MGST2: variants seen among roughly 807,000 people sequenced by gnomAD.
The protein encoded by MGST2 is glutathione peroxidase MGST2.
MGST2 carries 9 observed loss-of-function variants against 16.6 expected under a neutral mutation model. That is an observed-to-expected ratio of 0.54 (90% confidence interval 0.33 to 0.95). MGST2 has a LOEUF of 0.95. MGST2 is among the 40% of genes least tolerant of loss of function. The probability of loss-of-function intolerance (pLI) is 0.03; values close to 1 mark genes in which losing one functional copy is unlikely to be tolerated. For missense variants in MGST2, 159 were observed against 175.1 expected (o/e 0.91, Z 0.52); for synonymous variants, 79 against 68.0 (o/e 1.16, Z -0.79).
chr4:139,707,972 G>A (rs1727586576), downstream of MGST2, among the ~76,000 whole-genome samples: 9 of 151,946 alleles, frequency 5.9e-5, no homozygotes, highest in Admixed American at 5.9e-4. Context: ...TGTCAGATGA[G>A]TAGGTTGCAA....
intron 5 of MGST2, among the ~76,000 whole-genome samples, chr4:139,709,397 A>G (rs1361307235): frequency 1.3e-5 from 2 of 152,082 alleles, no homozygotes; most frequent in South Asian, 2.1e-4. Flanking sequence ...AATGGAAACA[A>G]TTTAAGCATG....
chr4:139,680,040 G>A (rs778652684), intron 2 of MGST2, among the ~76,000 whole-genome samples: 14 of 152,036 alleles, frequency 9.2e-5, no homozygotes, highest in Non-Finnish European at 1.9e-4. Flanking sequence ...TTACTACTTT[G>A]GGTATTTACT....
chr4:139,700,127 C>CTTTTTTT (rs56662682), intron 3 of MGST2, among the ~76,000 whole-genome samples: 35 of 82,972 alleles, frequency 4.2e-4, no homozygotes, highest in East Asian at 8.5e-4. Context: ...TTTGGTTTTG[C>CTTTTTTT]TTTTTTTTTT....
chr4:139,666,098 G>T (rs759709404), intron 1 of MGST2, 21 bp downstream of exon 1: 1 of 1,538,992 alleles, frequency 6.5e-7, no homozygotes, highest in Non-Finnish European at 8.7e-7. Flanking sequence ...TGGGAAGTTC[G>T]TGTGTGTGCG....
chr4:139,730,011 T>C (rs1728636692), intron 5 of MGST2, among the ~76,000 whole-genome samples: 1 of 152,222 alleles, frequency 6.6e-6, no homozygotes, highest in Non-Finnish European at 1.5e-5. Context: ...GTCAATTTCC[T>C]CTAAGAAACA....
At chr4:139,698,646 T>C (rs1727074934) in intron 3 of MGST2, 4 of 827,522 alleles carry the variant, frequency 4.8e-6, no homozygotes, top group Non-Finnish European at 4.1e-6. Context: ...CAAGTATGTG[T>C]TTCTTATAGC....
the MGST2 span, among the ~76,000 whole-genome samples, chr4:139,750,563 C>T: frequency 1.3e-5 from 2 of 152,278 alleles, no homozygotes; most frequent in African/African-American, 2.4e-5. Flanking sequence ...AACCATATTA[C>T]GCCACATGAT....
At chr4:139,737,422 T>C (rs958029725) in intron 5 of MGST2, among the ~76,000 whole-genome samples, 3 of 151,858 alleles carry the variant, frequency 2.0e-5, no homozygotes, top group Admixed American at 6.6e-5. Flanking sequence ...CTGGTCTAAA[T>C]TGAGCGGACC....
the MGST2 span, among the ~76,000 whole-genome samples, chr4:139,753,140 T>C: frequency 1.3e-5 from 2 of 152,204 alleles, no homozygotes; most frequent in African/African-American, 4.8e-5. Context: ...TTTTCCTTCT[T>C]TCCCTTTTCA....
At chr4:139,738,243 A>T (rs1729021588) in intron 5 of MGST2, among the ~76,000 whole-genome samples, 1 of 152,222 alleles carries the variant, frequency 6.6e-6, no homozygotes, top group African/African-American at 2.4e-5. Flanking sequence ...ATAAAGGGGA[A>T]CAAGACTTGT....
At chr4:139,741,239 G>A (rs567459032), downstream of MGST2, among the ~76,000 whole-genome samples, 4 of 152,230 alleles carry the variant, frequency 2.6e-5, no homozygotes, top group East Asian at 3.9e-4. Context: ...TGTGGCTGAC[G>A]ACCAGCTTCT....
chr4:139,724,364 A>G (rs1046370940), intron 5 of MGST2, among the ~76,000 whole-genome samples: 1 of 152,134 alleles, frequency 6.6e-6, no homozygotes, highest in African/African-American at 2.4e-5. Context: ...TGCTCTGGTA[A>G]TTTCTGTTGT....
chr4:139,700,256 G>C (rs6851293), intron 3 of MGST2, among the ~76,000 whole-genome samples: 51,262 of 149,392 alleles, frequency 0.34, 11,429 homozygotes, highest in African/African-American at 0.64. Flanking sequence ...CTCAGCCTCC[G>C]GAGTAGCTGG....
At chr4:139,691,666 AGATGATGATGATGAT>A (rs376635466) in intron 2 of MGST2, among the ~76,000 whole-genome samples, 1 of 144,098 alleles carries the variant, frequency 6.9e-6, no homozygotes, top group African/African-American at 2.6e-5. Context: ...ACTGGCAGTC[AGATGATGATGATGAT>A]GATGATGATG....
downstream of MGST2, among the ~76,000 whole-genome samples, chr4:139,705,262 G>A (rs1048897382): frequency 5.9e-5 from 9 of 152,152 alleles, no homozygotes; most frequent in African/African-American, 2.2e-4. Flanking sequence ...TGGCTTCCAA[G>A]CAGTATTTTT....
downstream of MGST2, among the ~76,000 whole-genome samples, chr4:139,708,884 C>G (rs1398866353): frequency 6.6e-6 from 1 of 151,576 alleles, no homozygotes; most frequent in African/African-American, 2.4e-5. Flanking sequence ...CACCTGTAAT[C>G]TCAGCTACTC....
At position 139,697,431 on chromosome 4, in the gene MGST2, G is replaced by A. The variant is rs147639491; in HGVS notation, c.229+2164G>A. Among the ~76,000 whole-genome samples, 1,262 of 152,228 alleles carry A rather than the reference G, an allele frequency of 8.3e-3. 13 individuals carry two copies. The highest frequency in any genetic ancestry group is 0.028 in the African/African-American group (1,149 of 41,530). On this transcript the variant is annotated intron_variant, in intron 3 of 4. Coordinates refer to ENST00000265498, the MANE Select transcript of MGST2 (RefSeq NM_002413.5). The stretch of plus-strand genomic sequence containing the variant: ...CTCATGTATTGCTTCTTGGTTGGTA[G>A]AAGCTGCTTCTCCTGTTATCTTGAT...
At chr4:139,730,798 C>T (rs889819894) in intron 5 of MGST2, 22 of 779,262 alleles carry the variant, frequency 2.8e-5, no homozygotes, top group African/African-American at 5.3e-5. Context: ...TTGAGTGGCA[C>T]GCATTGCATT....
intron 5 of MGST2, among the ~76,000 whole-genome samples, chr4:139,723,903 G>T (rs1361547750): frequency 1.3e-5 from 2 of 152,156 alleles, no homozygotes; most frequent in Non-Finnish European, 2.9e-5. Context: ...CAGATTTACT[G>T]AATCAGAAAC....
Sources: allele counts gnomAD v4.1 joint callset (sites outside exome capture counted in the v4.1 genomes callset), GRCh38; gene constraint gnomAD v4.1.1; transcripts MANE v1.5; gene names NCBI Gene and HGNC (gene_info 2026-07-23, HGNC 2026-07-21).